The following DAPK2 variants were observed in gnomAD, a reference collection of about 807,000 sequenced individuals.
DAPK2 encodes death associated protein kinase 2.
Under a neutral mutation model 44.1 loss-of-function variants are expected in DAPK2, and 35 were observed. The observed-to-expected ratio is 0.79, with a 90% CI of 0.61 to 1.05. DAPK2 has a LOEUF of 1.05. Among genes scored for constraint, DAPK2 ranks in the 50% least tolerant of loss-of-function variants. DAPK2 has a pLI of 0.00. For synonymous variants in DAPK2, 174 were observed against 182.6 expected, an observed-to-expected ratio of 0.95 and a Z score of 0.38; for missense variants, 453 against 483.2, an observed-to-expected ratio of 0.94 and a Z score of 0.59.
At chr15:63,998,908 C>T (rs1197352103) in intron 1 of DAPK2, among the ~76,000 whole-genome samples, 5 of 152,164 alleles carry the variant, frequency 3.3e-5, no homozygotes, top group Admixed American at 1.3e-4. Flanking sequence ...TGCCCATCCA[C>T]GGAAGAACCA....
chr15:64,021,963 A>C (rs1388405325), intron 1 of DAPK2, among the ~76,000 whole-genome samples: 1 of 152,236 alleles, frequency 6.6e-6, no homozygotes, highest in Non-Finnish European at 1.5e-5. Flanking sequence ...TAAGTTGGTC[A>C]CATCACTCAG....
intron 1 of DAPK2, among the ~76,000 whole-genome samples, chr15:64,030,308 C>A (rs2079975487): frequency 6.6e-6 from 1 of 151,966 alleles, no homozygotes; most frequent in Non-Finnish European, 1.5e-5. Flanking sequence ...AACCAAAAAC[C>A]AAAGTCTGTT....
intron 8 of DAPK2, chr15:63,920,492 G>A (rs956858010): frequency 5.3e-5 from 8 of 152,026 alleles, no homozygotes; most frequent in African/African-American, 1.9e-4. Context: ...TTTTCTTAGT[G>A]GTCCATAAAA....
At chr15:63,956,261 T>C (rs1225317965) in intron 3 of DAPK2, among the ~76,000 whole-genome samples, 1 of 152,188 alleles carries the variant, frequency 6.6e-6, no homozygotes, top group Non-Finnish European at 1.5e-5. Flanking sequence ...CACTGATCTT[T>C]TGTATTGTTT....
intron 1 of DAPK2, among the ~76,000 whole-genome samples, chr15:63,992,682 T>C (rs1223264031): frequency 6.6e-6 from 1 of 152,118 alleles, no homozygotes; most frequent in African/African-American, 2.4e-5. Flanking sequence ...AGGAAATACA[T>C]CAGGAAGCTG....
rs193279006 is a variant in DAPK2 at position 63,983,665 on chromosome 15, G to A, written c.182C>T (p.Ala61Val). ...CTCCCGGCTCACACCGCGCCGGCTC[G>A]CCCGGCTCTGCCGCTTCTTGATGAA... Residue 61 changes from alanine (A) to valine (V), a missense_variant, in exon 2 of 11, where the codon GCG becomes GTG. Ala to Val is a moderately conservative substitution (Grantham distance 64). Coordinates refer to ENST00000261891, the Ensembl canonical transcript of DAPK2. The A allele has an allele frequency of 1.7e-5, 28 of 1,613,400 alleles. No homozygotes were observed. In the Admixed American group the frequency reaches 1.8e-4, roughly 11 times the overall value.
intron 2 of DAPK2, among the ~76,000 whole-genome samples, chr15:63,974,181 T>A (rs1261108628): frequency 6.6e-6 from 1 of 152,256 alleles, no homozygotes; most frequent in African/African-American, 2.4e-5. Context: ...AATAGGTTTT[T>A]ACTTGCTAAA....
intron 3 of DAPK2, among the ~76,000 whole-genome samples, chr15:63,954,050 T>C (rs1031605149): frequency 6.6e-6 from 1 of 152,230 alleles, no homozygotes; most frequent in African/African-American, 2.4e-5. Flanking sequence ...TATATTCTGG[T>C]TATTAATCCC....
chr15:63,953,387 C>T (rs568551187), intron 3 of DAPK2, among the ~76,000 whole-genome samples: 3 of 152,226 alleles, frequency 2.0e-5, no homozygotes, highest in East Asian at 1.9e-4. Context: ...TCTTTCTGTA[C>T]CTGGCTTATT....
At position 64,020,832 on chromosome 15, in the gene DAPK2, T is replaced by C. The variant is rs72755013; in HGVS notation, c.92+19338A>G. 0.022 allele frequency among the ~76,000 whole-genome samples: 3,407 copies of C among 152,272 alleles called. 60 individuals are homozygous for C. Among genetic ancestry groups the C allele is most frequent in the Non-Finnish European group, 0.036 (2,444 of 68,020 alleles). ...ATACCAAATGCCTACAGTGTTTCTA[T>C]GGAGTAATGGAAAGGGCAAAGGACC... On this transcript the variant is annotated intron_variant, in intron 1 of 10. Coordinates refer to ENST00000261891, the Ensembl canonical transcript of DAPK2. This position sits in a 1 kb window ranked among gnomAD's most constrained non-coding sequence, Gnocchi z 4.5.
chr15:64,017,555 ACCT>A (rs2079563920), intron 1 of DAPK2, among the ~76,000 whole-genome samples: 1 of 151,944 alleles, frequency 6.6e-6, no homozygotes, highest in Non-Finnish European at 1.5e-5. Flanking sequence ...ACAGGTGCAA[ACCT>A]CCCTGCTTTC....
At chr15:64,034,095 C>T (rs1000770165) in intron 1 of DAPK2, among the ~76,000 whole-genome samples, 7 of 152,138 alleles carry the variant, frequency 4.6e-5, no homozygotes, top group African/African-American at 1.7e-4. Flanking sequence ...CATAAAAGCC[C>T]CCTTGCTTCA....
chr15:63,997,107 T>G (rs892580707), intron 1 of DAPK2, among the ~76,000 whole-genome samples: 6 of 152,020 alleles, frequency 3.9e-5, no homozygotes, highest in African/African-American at 1.2e-4. Flanking sequence ...CGGCTCAGAG[T>G]GCAACTGTGC....
At position 63,980,745 on chromosome 15, in the gene DAPK2, C is replaced by T. The variant is rs989542790; in HGVS notation, c.314+2788G>A. ...TTTGACTATTTGTGCCCTACAAACT[C>T]GCATTGAAATTTAATTCCCAATGCG... On this transcript the variant is annotated intron_variant, in intron 2 of 10. Coordinates refer to ENST00000261891, the Ensembl canonical transcript of DAPK2. The surrounding 1 kb of genome is among the most constrained non-coding windows in gnomAD (Gnocchi z 4.3). 6.6e-5 allele frequency among the ~76,000 whole-genome samples: 10 copies of T among 152,240 alleles called. No individual in the cohort carries two copies. Among genetic ancestry groups the T allele is most frequent in the African/African-American group, 1.9e-4 (8 of 41,468 alleles).
chr15:64,017,444 G>A (rs7180239), intron 1 of DAPK2, among the ~76,000 whole-genome samples: 46,872 of 152,098 alleles, frequency 0.31, 9,338 homozygotes, highest in Non-Finnish European at 0.45. Context: ...CACCGAGGTG[G>A]CTCTGCTGGG....
At chr15:63,971,788 G>C (rs2078220512) in intron 2 of DAPK2, among the ~76,000 whole-genome samples, 4 of 152,256 alleles carry the variant, frequency 2.6e-5, no homozygotes, top group Admixed American at 6.5e-5. Context: ...TCACCCTGGA[G>C]GTGTTGTCAG....
At chr15:63,927,156 A>C (rs979688326) in intron 6 of DAPK2, among the ~76,000 whole-genome samples, 4 of 152,184 alleles carry the variant, frequency 2.6e-5, no homozygotes, top group Non-Finnish European at 5.9e-5. Context: ...AAAAGCCTTC[A>C]TGCAATCCTG....
intron 3 of DAPK2, among the ~76,000 whole-genome samples, chr15:63,948,936 T>A (rs2077519798): frequency 6.6e-6 from 1 of 152,128 alleles, no homozygotes; most frequent in South Asian, 2.1e-4. Flanking sequence ...CCTCAGCTAA[T>A]AGGTAATGGA....
intron 2 of DAPK2, among the ~76,000 whole-genome samples, chr15:63,981,126 G>A (rs982121748): frequency 6.6e-6 from 1 of 151,012 alleles, no homozygotes; most frequent in South Asian, 2.1e-4. Context: ...GGTTATGAGG[G>A]CTCTGTCCTT....
Sources: gnomAD v4.1 joint callset for allele counts (sites outside exome capture counted in the v4.1 genomes callset) on GRCh38, gnomAD v4.1.1 for gene constraint, Gnocchi (gnomAD v3.1) non-coding constraint, MANE v1.5 for transcripts, NCBI Gene and HGNC (gene_info 2026-07-23, HGNC 2026-07-21) for gene names.